Variants in VASP observed in about 807,000 individuals in gnomAD.
VASP encodes vasodilator stimulated phosphoprotein, also known as vasodilator-stimulated phosphoprotein.
VASP carries 27 observed loss-of-function variants against 54.4 expected under a neutral mutation model. The ratio of observed to expected loss-of-function variants is 0.50; its 90% CI spans 0.37 to 0.68. VASP has a LOEUF of 0.68. VASP is among the 30% of genes least tolerant of loss of function. The pLI is 0.00. For synonymous variants in VASP, 233 were observed against 209.8 expected (o/e 1.11, Z -0.96); for missense variants, 488 against 528.3 (o/e 0.92, Z 0.75).
intron 1 of VASP, among the ~76,000 whole-genome samples, chr19:45,513,988 C>T (rs899340234): frequency 1.3e-5 from 2 of 152,190 alleles, no homozygotes; most frequent in Admixed American, 6.5e-5. Flanking sequence ...TTTTTGGCAG[C>T]GGAGACAGAC....
chr19:45,514,983 T>A (rs1243393025), intron 1 of VASP, among the ~76,000 whole-genome samples: 2 of 152,042 alleles, frequency 1.3e-5, no homozygotes, highest in Non-Finnish European at 2.9e-5. Context: ...TTAGAATGAG[T>A]GGCTCTCTGG....
At position 45,517,949 on chromosome 19, in the gene VASP, C is replaced by A. The variant is rs145722764; in HGVS notation, c.198C>A (p.Ile66=). Residue 66 remains isoleucine (I), a synonymous_variant, in exon 3 of 13, where the codon ATC becomes ATA. Coordinates refer to ENST00000245932, the MANE Select transcript of VASP (RefSeq NM_003370.4). ...ACCAGGTGGTCATCAACTGTGCCAT[C>A]GTCCGGGGTGTCAAGTATAACCAGG... is the stretch of plus-strand genomic sequence containing the variant. The part of the protein sequence containing the change: ...PDQQVVINCA[I]VRGVKYNQAT... 3.2e-6 allele frequency: 5 copies of A among 1,581,696 alleles called. No individual in the cohort carries two copies. Among genetic ancestry groups the A allele is most frequent in the South Asian group, 1.1e-5 (1 of 90,270 alleles).
Position 45,521,529 on chromosome 19 carries a change from C to T in VASP, c.428+123C>T, listed in dbSNP as rs192868401. ...AGTTTTCAGAATGTTCAAGAAACTT[C>T]TGACACTCAGAGTTGCAGAACCTCC... On this transcript the variant is annotated intron_variant, in intron 4 of 12. Transcript: ENST00000245932. 429 of 878,530 alleles carry T rather than the reference C, an allele frequency of 4.9e-4. 1 individual carries two copies. The African/African-American group carries it at 6.3e-3, about 13-fold the overall frequency. The allele number at this position is 878,530 out of a possible 1,614,324, so 54.4% of individuals were successfully genotyped here.
At chr19:45,513,844 G>A (rs527761351) in intron 1 of VASP, among the ~76,000 whole-genome samples, 2 of 152,038 alleles carry the variant, frequency 1.3e-5, no homozygotes, top group South Asian at 2.1e-4. Flanking sequence ...GATTACAGGC[G>A]TGAGCCACCT....
intron 3 of VASP, among the ~76,000 whole-genome samples, chr19:45,520,930 C>T (rs1007474306): frequency 6.6e-6 from 1 of 152,218 alleles, no homozygotes; most frequent in Non-Finnish European, 1.5e-5. Context: ...CACTGCTGCA[C>T]TCCAGCCTGG....
chr19:45,525,711 A>G lies in VASP; in HGVS notation c.1048-235A>G, dbSNP rs542757245. On this transcript the variant is annotated intron_variant, in intron 11 of 12. Coordinates refer to ENST00000245932, the MANE Select transcript of VASP (RefSeq NM_003370.4). ...ACTCTGTTTCAAAAAAAAAAAGAAAAAGAAAAAGTTACCTGATTGTGGCGG... is the reference window on the plus strand; with the variant it reads ...ACTCTGTTTCAAAAAAAAAAAGAAAGAGAAAAAGTTACCTGATTGTGGCGG... 19 of 436,788 alleles carry G rather than the reference A, an allele frequency of 4.3e-5. No individual in the cohort carries two copies. In the South Asian group the frequency reaches 6.6e-4, roughly 15 times the overall value. The allele number at this position is 436,788 out of a possible 1,614,324, so 27.1% of individuals were successfully genotyped here.
chr19:45,512,186 C>G (rs1737211315), intron 1 of VASP, among the ~76,000 whole-genome samples: 1 of 152,196 alleles, frequency 6.6e-6, no homozygotes, highest in South Asian at 2.1e-4. Context: ...CTTCCCTCCC[C>G]AGTTCCTGAG....
chr19:45,524,345 C>G (rs544631860), intron 10 of VASP: 2 of 691,874 alleles, frequency 2.9e-6, no homozygotes, highest in East Asian at 2.7e-5. Context: ...GAGGCCTCAG[C>G]GAGCCATCAT....
At chr19:45,516,420 C>A (rs952953347) in intron 1 of VASP, among the ~76,000 whole-genome samples, 1 of 152,230 alleles carries the variant, frequency 6.6e-6, no homozygotes, top group Non-Finnish European at 1.5e-5. Context: ...GCAGGCCTCA[C>A]ACTTCCCCTC....
At chr19:45,514,964 C>G (rs1968673981) in intron 1 of VASP, among the ~76,000 whole-genome samples, 1 of 152,160 alleles carries the variant, frequency 6.6e-6, no homozygotes, top group Non-Finnish European at 1.5e-5. Context: ...CTAGTCCTCA[C>G]CTGCAAAATT....
chr19:45,524,422 C>CAAA, intron 10 of VASP, 148 bp from the exon 11 acceptor site: 2 of 728,104 alleles, frequency 2.7e-6, no homozygotes, highest in Non-Finnish European at 4.5e-6. Flanking sequence ...CAAACCAAAA[C>CAAA]CAAAAAAAAA....
chr19:45,524,704 G>A (rs746329998), intron 11 of VASP, 44 bp downstream of exon 11: 7 of 1,586,278 alleles, frequency 4.4e-6, no homozygotes, highest in Non-Finnish European at 5.2e-6. Flanking sequence ...GAGAGATCTA[G>A]GTCTGGCCCC....
rs1968856847 is a variant in VASP, at chr19:45,522,377, A to G, written c.516A>G (p.Pro172=). 13 of 1,491,096 alleles carry G rather than the reference A, an allele frequency of 8.7e-6. No individual in the cohort carries two copies. Among genetic ancestry groups the G allele is most frequent in the Non-Finnish European group, 1.2e-5 (13 of 1,096,894 alleles). 92.4% of individuals were successfully genotyped at this position (1,491,096 alleles called of 1,614,324 possible). A position where few individuals can be genotyped will look rare whatever the true frequency, so the allele number is the denominator to read the frequency against. Residue 172 remains proline, a synonymous_variant, in exon 6 of 13, where the codon CCA becomes CCG. Coordinates refer to ENST00000245932, the MANE Select transcript of VASP (RefSeq NM_003370.4). ...PPAPPAGGPP[P]PPGPPPPPGP... Reference sequence around the variant, plus strand: ...CTCCCCCCGCTGGGGGTCCACCCCCACCACCAGGACCTCCCCCTCCTCCAG... The same window carrying G: ...CTCCCCCCGCTGGGGGTCCACCCCCGCCACCAGGACCTCCCCCTCCTCCAG...
At position 45,522,375 on chromosome 19, in the gene VASP, C is replaced by T. The variant is rs1261221277; in HGVS notation, c.514C>T (p.Pro172Ser). 6.5e-7 allele frequency: 1 copy of T among 1,550,368 alleles called. No homozygotes were observed. Among genetic ancestry groups the T allele is most frequent in the South Asian group, 1.2e-5 (1 of 84,306 alleles). ...TGCTCCCCCCGCTGGGGGTCCACCC[C>T]CACCACCAGGACCTCCCCCTCCTCC... ...PPAPPAGGPPPPPGPPPPPGP... is the reference protein window; with the variant it reads ...PPAPPAGGPPSPPGPPPPPGP... Residue 172 changes from proline to serine, a missense_variant, in exon 6 of 13, where the codon CCA (proline) becomes TCA (serine). This residue lies in a region of VASP where 226 missense variants were observed against 196.0 expected (regional missense o/e 1.15). Coordinates refer to ENST00000245932, the MANE Select transcript of VASP (RefSeq NM_003370.4).
intron 1 of VASP, among the ~76,000 whole-genome samples, chr19:45,508,023 G>C (rs1968523096): frequency 6.6e-6 from 1 of 152,078 alleles, no homozygotes; most frequent in South Asian, 2.1e-4. Flanking sequence ...GGGGGCGCTC[G>C]GAGGACTCCC....
chr19:45,510,350 C>G (rs965118805), intron 1 of VASP, among the ~76,000 whole-genome samples: 1 of 152,016 alleles, frequency 6.6e-6, no homozygotes, highest in Non-Finnish European at 1.5e-5. Context: ...CTCAACCTTC[C>G]GAGTAGCTGG....
chr19:45,518,176 G>A lies in VASP; in HGVS notation c.343+82G>A. 2.0e-6 allele frequency: 3 copies of A among 1,515,172 alleles called. No homozygotes were observed. In the South Asian group the frequency reaches 3.9e-5, roughly 19 times the overall value. The allele number at this position is 1,515,172 out of a possible 1,614,324, so 93.9% of individuals were successfully genotyped here. Reference sequence around the variant, plus strand: ...TGCCGCTTTACCCTGCTGGGACTTGGTTTACTCGTCGGTAAAATAGAGCGA... The same window carrying A: ...TGCCGCTTTACCCTGCTGGGACTTGATTTACTCGTCGGTAAAATAGAGCGA... On this transcript the variant is annotated intron_variant, in intron 3 of 12. Coordinates refer to ENST00000245932, the MANE Select transcript of VASP (RefSeq NM_003370.4).
chr19:45,526,078 C>G (rs1301694099), intron 12 of VASP, 62 bp from the exon 13 acceptor site: 20 of 1,613,510 alleles, frequency 1.2e-5, no homozygotes, highest in South Asian at 1.2e-4. Flanking sequence ...GGCAAGAGCC[C>G]TGTTTTGGAA....
chr19:45,524,047 G>C, intron 9 of VASP, 50 bp from the exon 10 acceptor site: 1 of 1,612,734 alleles, frequency 6.2e-7, no homozygotes, highest in Non-Finnish European at 8.5e-7. Context: ...AAGATTGATT[G>C]GGGGGCAGTC....
Sources: gnomAD v4.1 joint callset for allele counts (sites outside exome capture counted in the v4.1 genomes callset) on GRCh38, gnomAD v4.1.1 for gene constraint, gnomAD v4.1.1 regional missense constraint, MANE v1.5 for transcripts, NCBI Gene and HGNC (gene_info 2026-07-23, HGNC 2026-07-21) for gene names.